SLITRK4: variants seen among roughly 807,000 people sequenced by gnomAD.
SLITRK4 encodes the protein SLIT and NTRK like family member 4.
A neutral mutation model predicts 34.7 loss-of-function variants in SLITRK4; 7 were observed. The ratio of observed to expected loss-of-function variants is 0.20; its 90% CI spans 0.11 to 0.38. The LOEUF is 0.38. Ranked by LOEUF, SLITRK4 falls within the 10% of genes least tolerant of loss-of-function variation. The probability of loss-of-function intolerance (pLI) is 1.00; values close to 1 mark genes in which losing one functional copy is unlikely to be tolerated. For missense variants in SLITRK4, 474 were observed against 607.0 expected (o/e 0.78, Z 2.30); for synonymous variants, 237 against 246.2 (o/e 0.96, Z 0.35).
chrX:143,630,826 G>A lies in SLITRK4; in HGVS notation c.283C>T (p.Leu95=), dbSNP rs7877971. 41 of 1,210,165 alleles carry A rather than the reference G, an allele frequency of 3.4e-5. No individual in the cohort carries two copies. In the African/African-American group the frequency reaches 4.5e-4, roughly 13 times the overall value. Residue 95 remains leucine (L), a synonymous_variant, in exon 2 of 2, where the codon CTG becomes TTG. Transcript: ENST00000356928. ...AAGGCTCCTCCCTCAATGTTCTGCA[G>A]TTTATTATTCCCCAGATGCAGGGAG... ...AVSLHLGNNK[L]QNIEGGAFLG...
In SLITRK4 at chrX:143,628,504, A is replaced by G; in HGVS notation, c.*91T>C. The G allele has an allele frequency of 1.4e-6, 1 of 706,683 alleles. No individual in the cohort carries two copies. The highest frequency in any genetic ancestry group is 2.1e-6 in the Non-Finnish European group (1 of 480,043). 58.2% of individuals were successfully genotyped at this position (706,683 alleles called of 1,213,427 possible). On this transcript the variant is annotated 3_prime_UTR_variant, in exon 2 of 2. Coordinates refer to ENST00000356928, the MANE Select transcript of SLITRK4 (RefSeq NM_001184749.3). The stretch of plus-strand genomic sequence containing the variant: ...CTTGGAAACACCTGCCTCCATGCCT[A>G]TTGATAATATAGTATTTGGAAGTTA...
chrX:143,628,922 T>C lies in SLITRK4; in HGVS notation c.2187A>G (p.Lys729=). The C allele has an allele frequency of 5.0e-6, 6 of 1,211,732 alleles. No homozygotes were observed. The highest frequency in any genetic ancestry group is 6.7e-6 in the Non-Finnish European group (6 of 895,466). ...VVMRNVADKE[K]DLLHVDTRKR... is the part of the protein sequence containing the mutation. ...TCCTGGTATCTACATGTAATAAATCTTTCTCCTTGTCGGCCACATTTCTCA... is the reference window on the plus strand; with the variant it reads ...TCCTGGTATCTACATGTAATAAATCCTTCTCCTTGTCGGCCACATTTCTCA... Residue 729 remains lysine, a synonymous_variant, in exon 2 of 2, where the codon AAA becomes AAG. Coordinates refer to ENST00000356928, the MANE Select transcript of SLITRK4 (RefSeq NM_001184749.3).
rs1394665539 is a variant in SLITRK4 at position 143,628,315 on chromosome X, C to G, written c.*280G>C. 6.5e-6 allele frequency: 2 copies of G among 307,543 alleles called. No homozygotes were observed. The highest frequency in any genetic ancestry group is 1.1e-5 in the Non-Finnish European group (2 of 179,114). 25.3% of individuals were successfully genotyped at this position (307,543 alleles called of 1,213,427 possible). A position where few individuals can be genotyped will look rare whatever the true frequency, so the allele number is the denominator to read the frequency against. ...TGCATTGGGGTACAAAACAGATTTG[C>G]CTCTTGAGGTTAAATTCAGTATTAT... On this transcript the variant is annotated 3_prime_UTR_variant, in exon 2 of 2. Coordinates refer to ENST00000356928, the MANE Select transcript of SLITRK4 (RefSeq NM_001184749.3).
rs782264409 is a variant in SLITRK4, at chrX:143,629,302, G to T, written c.1807C>A (p.Pro603Thr). ...SPAPAITFTT[P>T]LGPIRSPPGG... ...GGAGGACTTCGAATGGGACCCAAAGGAGTGGTGAATGTAATGGCAGGTGCA... is the reference window on the plus strand; with the variant it reads ...GGAGGACTTCGAATGGGACCCAAAGTAGTGGTGAATGTAATGGCAGGTGCA... Residue 603 changes from proline to threonine, a missense_variant, in exon 2 of 2, where the codon CCT (proline) becomes ACT (threonine). By Grantham distance (38) the Pro-to-Thr change is conservative. Transcript: ENST00000356928. 3.3e-6 allele frequency: 4 copies of T among 1,212,060 alleles called. No individual in the cohort carries two copies. Among genetic ancestry groups the T allele is most frequent in the Non-Finnish European group, 4.5e-6 (4 of 895,574 alleles).
chrX:143,635,527 C>CACACACACAT (rs1228790081), intron 1 of SLITRK4, among the ~76,000 whole-genome samples: 9 of 104,577 alleles, frequency 8.6e-5, no homozygotes, highest in Non-Finnish European at 1.4e-4. Context: ...CACACACACA[C>CACACACACAT]ACGGGGCATT....
chrX:143,633,018 C>A (rs1931093624), intron 1 of SLITRK4, among the ~76,000 whole-genome samples: 1 of 110,693 alleles, frequency 9.0e-6, no homozygotes, highest in Non-Finnish European at 1.9e-5. Context: ...AAAAAAAATC[C>A]TTATAATCCG....
chrX:143,625,316 C>A lies in SLITRK4; in HGVS notation c.*3279G>T, dbSNP rs1206424051. ...TGCCTTATAGACTTGAATCACTCTA[C>A]TTTAATAGCTGCTTTCTCATAAAAT... is the stretch of plus-strand genomic sequence containing the variant. On this transcript the variant is annotated 3_prime_UTR_variant, in exon 2 of 2. Coordinates refer to ENST00000356928, the MANE Select transcript of SLITRK4 (RefSeq NM_001184749.3). The A allele has an allele frequency of 2.7e-5, 3 of 111,536 alleles. No homozygotes were observed. The highest frequency in any genetic ancestry group is 3.8e-5 in the Non-Finnish European group (2 of 52,798). 9.2% of individuals were successfully genotyped at this position (111,536 alleles called of 1,213,427 possible).
At position 143,629,070 on chromosome X, in the gene SLITRK4, C is replaced by A; in HGVS notation, c.2039G>T (p.Gly680Val). Residue 680 changes from glycine to valine, a missense_variant, in exon 2 of 2, where the codon GGA becomes GTA. Physicochemically the swap from Gly to Val is moderately radical, Grantham distance 109. Around this residue, in one of 3 missense-constraint regions of SLITRK4, gnomAD observed 345 missense variants for 406.5 expected, o/e 0.85. Coordinates refer to ENST00000356928, the MANE Select transcript of SLITRK4 (RefSeq NM_001184749.3). ...TGGAATGAAAGCTTCTGTGCTCAGT[C>A]CATCTTTTTTATTGGTTTTGTGGTC... is the stretch of plus-strand genomic sequence containing the variant. ...KHDHKTNKKD[G>V]LSTEAFIPQT... 1 of 1,211,868 alleles carries A rather than the reference C, an allele frequency of 8.3e-7. No individual in the cohort carries two copies. The highest frequency in any genetic ancestry group is 3.0e-5 in the East Asian group (1 of 33,837).
chrX:143,630,660 G>C lies in SLITRK4; in HGVS notation c.449C>G (p.Ala150Gly), dbSNP rs1279411344. The change falls in exon 2 of 2, where the codon GCC becomes GGC. Residue 150 changes from alanine (A) to glycine (G), a missense_variant. Coordinates refer to ENST00000356928, the MANE Select transcript of SLITRK4 (RefSeq NM_001184749.3). ...YNLIKYIERG[A>G]FNKLHKLKVL... ...TTTCAGTTTGTGGAGCTTATTGAAG[G>C]CTCCTCGTTCAATATACTTGATTAA... 12 of 1,209,536 alleles carry C rather than the reference G, an allele frequency of 9.9e-6. No homozygotes were observed. The highest frequency in any genetic ancestry group is 3.0e-5 in the East Asian group (1 of 33,778).
intron 1 of SLITRK4, chrX:143,634,986 C>T (rs1556430626): frequency 1.8e-5 from 2 of 109,143 alleles, no homozygotes; most frequent in African/African-American, 6.7e-5. Context: ...CGCCCGCTCG[C>T]CCGTCAAACC....
chrX:143,626,236 T>C lies in SLITRK4; in HGVS notation c.*2359A>G, dbSNP rs1556425441. Reference sequence around the variant, plus strand: ...TATACATTAGGAGCCCTTTAATCCATGGATGTGTGCATGCATGGTAATGGC... The same window carrying C: ...TATACATTAGGAGCCCTTTAATCCACGGATGTGTGCATGCATGGTAATGGC... On this transcript the variant is annotated 3_prime_UTR_variant, in exon 2 of 2. Coordinates refer to ENST00000356928, the MANE Select transcript of SLITRK4 (RefSeq NM_001184749.3). The C allele has an allele frequency of 9.0e-6, 1 of 111,488 alleles. No individual in the cohort carries two copies. Among genetic ancestry groups the C allele is most frequent in the Non-Finnish European group, 1.9e-5 (1 of 52,844 alleles). 9.2% of individuals were successfully genotyped at this position (111,488 alleles called of 1,213,427 possible). A position where few individuals can be genotyped will look rare whatever the true frequency, so the allele number is the denominator to read the frequency against.
rs1334049052 is a variant in SLITRK4, at chrX:143,623,382, T to C, written c.*5213A>G. 5.4e-5 allele frequency: 6 copies of C among 110,109 alleles called. No individual in the cohort carries two copies. Among genetic ancestry groups the C allele is most frequent in the Non-Finnish European group, 1.1e-4 (6 of 52,646 alleles). 9.1% of individuals were successfully genotyped at this position (110,109 alleles called of 1,213,427 possible). A position where few individuals can be genotyped will look rare whatever the true frequency, so the allele number is the denominator to read the frequency against. On this transcript the variant is annotated 3_prime_UTR_variant, in exon 2 of 2. Coordinates refer to ENST00000356928, the MANE Select transcript of SLITRK4 (RefSeq NM_001184749.3). ...AATAGCAATTATTTGGTCTAAAATA[T>C]TCAAATGCCTCAGAGCCCTACTTTA...
In SLITRK4 at chrX:143,628,131, T is replaced by TTTTTTTTTTTTTTG; in HGVS notation, c.*463_*464insCAAAAAAAAAAAAA. On this transcript the variant is annotated 3_prime_UTR_variant, in exon 2 of 2. Transcript: ENST00000356928. ...TTTTTTTTTTTTTTTTTTTTTTACT[T>TTTTTTTTTTTTTTG]TTCAGATAATCTTTACACGGAGTTG... The TTTTTTTTTTTTTTG allele has an allele frequency of 5.0e-6, 1 of 198,711 alleles. No homozygotes were observed. The highest frequency in any genetic ancestry group is 8.6e-6 in the Non-Finnish European group (1 of 115,864). 16.4% of individuals were successfully genotyped at this position (198,711 alleles called of 1,213,427 possible). A position where few individuals can be genotyped will look rare whatever the true frequency, so the allele number is the denominator to read the frequency against.
chrX:143,627,112 T>C lies in SLITRK4; in HGVS notation c.*1483A>G, dbSNP rs957592827. On this transcript the variant is annotated 3_prime_UTR_variant, in exon 2 of 2. Coordinates refer to ENST00000356928, the MANE Select transcript of SLITRK4 (RefSeq NM_001184749.3). ...TCATTTGTAGTTGCAGACTGTGAACTCATCTGAAACCAATGCAAGCATTTT... is the reference window on the plus strand; with the variant it reads ...TCATTTGTAGTTGCAGACTGTGAACCCATCTGAAACCAATGCAAGCATTTT... 1 of 109,124 alleles carries C rather than the reference T, an allele frequency of 9.2e-6. No homozygotes were observed. The highest frequency in any genetic ancestry group is 1.9e-5 in the Non-Finnish European group (1 of 52,503). 9.0% of individuals were successfully genotyped at this position (109,124 alleles called of 1,213,427 possible). A position where few individuals can be genotyped will look rare whatever the true frequency, so the allele number is the denominator to read the frequency against.
At chrX:143,635,583 T>TG (rs1169650134) in intron 1 of SLITRK4, among the ~76,000 whole-genome samples, 152 bp downstream of exon 1, 1 of 103,287 alleles carries the variant, frequency 9.7e-6, no homozygotes, top group Non-Finnish European at 2.0e-5. Flanking sequence ...AAAGAAACAC[T>TG]GGAGAGCCTG....
Position 143,625,211 on chromosome X carries a change from A to C in SLITRK4, c.*3384T>G, listed in dbSNP as rs1314923972. 5.4e-5 allele frequency: 6 copies of C among 111,316 alleles called. No homozygotes were observed. Among genetic ancestry groups the C allele is most frequent in the African/African-American group, 2.0e-4 (6 of 30,731 alleles). 9.2% of individuals were successfully genotyped at this position (111,316 alleles called of 1,213,427 possible). On this transcript the variant is annotated 3_prime_UTR_variant, in exon 2 of 2. Coordinates refer to ENST00000356928, the MANE Select transcript of SLITRK4 (RefSeq NM_001184749.3). ...AAATGTTTAAAAAAAGCAACAAAAG[A>C]AAGATGGTCTTAAATAAATTTCTAA...
rs1930806985 is a variant in SLITRK4 at position 143,626,851 on chromosome X, C to CATATATATACACACGCAT, written c.*1726_*1743dup. 1 of 106,211 alleles carries CATATATATACACACGCAT rather than the reference C, an allele frequency of 9.4e-6. No individual in the cohort carries two copies. The highest frequency in any genetic ancestry group is 1.9e-5 in the Non-Finnish European group (1 of 51,815). The allele number at this position is 106,211 out of a possible 1,213,427, so 8.8% of individuals were successfully genotyped here. A position where few individuals can be genotyped will look rare whatever the true frequency, so the allele number is the denominator to read the frequency against. On this transcript the variant is annotated 3_prime_UTR_variant, in exon 2 of 2. Coordinates refer to ENST00000356928, the MANE Select transcript of SLITRK4 (RefSeq NM_001184749.3). ...ACATATATGTATATATATACACACACATATATATACACACGCATATATATA... is the reference window on the plus strand; with the variant it reads ...ACATATATGTATATATATACACACACATATATATACACACGCATATATATATACACACGCATATATATA...
At position 143,629,468 on chromosome X, in the gene SLITRK4, C is replaced by T. The variant is rs781980873; in HGVS notation, c.1641G>A (p.Glu547=). ...CDLVALKLWV[E]KLSDGIVVKE... is the part of the protein sequence containing the mutation. ...TCACAACAATCCCGTCGCTCAACTT[C>T]TCCACCCACAGCTTTAATGCCACCA... The change falls in exon 2 of 2, where the codon GAG becomes GAA. Residue 547 remains glutamate, a synonymous_variant. Coordinates refer to ENST00000356928, the MANE Select transcript of SLITRK4 (RefSeq NM_001184749.3). 5.8e-6 allele frequency: 7 copies of T among 1,209,875 alleles called. No homozygotes were observed. In the East Asian group the frequency reaches 2.1e-4, roughly 36 times the overall value.
chrX:143,629,640 A>G lies in SLITRK4; in HGVS notation c.1469T>C (p.Val490Ala). The change falls in exon 2 of 2, where the codon GTT becomes GCT. Residue 490 changes from valine (V) to alanine (A), a missense_variant. Around this residue, in one of 3 missense-constraint regions of SLITRK4, gnomAD observed 345 missense variants for 406.5 expected, o/e 0.85. Transcript: ENST00000356928. ...TAAGGGTGCTCCGGAAAAGATGTAA[A>G]CAGGCAGGCTCTTTAGGAGATTATT... ...LNNNLLKSLP[V>A]YIFSGAPLAR... 8.3e-7 allele frequency: 1 copy of G among 1,211,699 alleles called. No homozygotes were observed. Among genetic ancestry groups the G allele is most frequent in the East Asian group, 3.0e-5 (1 of 33,815 alleles).
Sources: allele counts gnomAD v4.1 joint callset (sites outside exome capture counted in the v4.1 genomes callset), GRCh38; gene constraint gnomAD v4.1.1; regional missense constraint gnomAD v4.1.1; transcripts MANE v1.5; gene names NCBI Gene and HGNC (gene_info 2026-07-23, HGNC 2026-07-21).